CABLES1: variants seen among roughly 807,000 people sequenced by gnomAD.
CABLES1 encodes CDK5 and ABL1 enzyme substrate 1.
CABLES1 carries 36 observed loss-of-function variants against 57.8 expected under a neutral mutation model. That is an observed-to-expected ratio of 0.62 (90% CI 0.48 to 0.82). The LOEUF (loss-of-function observed/expected upper bound fraction) is 0.82. CABLES1 is among the 40% of genes least tolerant of loss of function. The probability of loss-of-function intolerance (pLI) is 0.00; values close to 1 mark genes in which losing one functional copy is unlikely to be tolerated. For synonymous variants in CABLES1, 374 were observed against 363.0 expected (o/e 1.03, Z -0.35); for missense variants, 767 against 836.6 (o/e 0.92, Z 1.03).
Position 23,194,460 on chromosome 18 carries a change from C to T in CABLES1, c.930C>T (p.Leu310=), listed in dbSNP as rs769159682. The T allele has an allele frequency of 3.1e-6, 5 of 1,610,762 alleles. No homozygotes were observed. In the South Asian group the frequency reaches 5.5e-5, roughly 18 times the overall value. Residue 310 remains leucine, a synonymous_variant, in exon 3 of 10, where the codon CTC becomes CTT. Transcript: ENST00000256925. The part of the protein sequence containing the change: ...ENAPLRRCRT[L]SGSPRPKNFK... ...CTTTATTTTTCAGATGTCGAACTCT[C>T]TCAGGTTCACCCAGACCAAAGAATT... is the stretch of plus-strand genomic sequence containing the variant.
intron 1 of CABLES1, among the ~76,000 whole-genome samples, chr18:23,182,966 G>T (rs1041798292): frequency 6.6e-6 from 1 of 152,222 alleles, no homozygotes; most frequent in Admixed American, 6.5e-5. Flanking sequence ...GCTGAGGAAG[G>T]TACCTGGACC....
chr18:23,236,037 G>A lies in CABLES1; in HGVS notation c.1328G>A (p.Gly443Glu). ...ATAGGCCGGGCAAGCGGCACCCAGGGGAGCCTCGACACAGGTAACCTTGGC... is the reference window on the plus strand; with the variant it reads ...ATAGGCCGGGCAAGCGGCACCCAGGAGAGCCTCGACACAGGTAACCTTGGC... ...LSIGRASGTQ[G>E]SLDTGSDLGD... The change falls in exon 6 of 10, where the codon GGG becomes GAG. Residue 443 changes from glycine to glutamate, a missense_variant. By Grantham distance (98) the Gly-to-Glu change is moderately conservative (BLOSUM62 -2). This residue lies in a region of CABLES1 where 529 missense variants were observed against 622.8 expected (regional missense o/e 0.85). Transcript: ENST00000256925. The A allele has an allele frequency of 6.2e-7, 1 of 1,614,144 alleles. No homozygotes were observed. The highest frequency in any genetic ancestry group is 8.5e-7 in the Non-Finnish European group (1 of 1,180,040).
At chr18:23,172,207 G>A (rs1296526028) in intron 1 of CABLES1, among the ~76,000 whole-genome samples, 1 of 152,198 alleles carries the variant, frequency 6.6e-6, no homozygotes, top group African/African-American at 2.4e-5. Flanking sequence ...GGTAATGATA[G>A]TGACAGTGAT....
chr18:23,201,719 G>A (rs1425905598), intron 3 of CABLES1, among the ~76,000 whole-genome samples: 2 of 152,208 alleles, frequency 1.3e-5, no homozygotes, highest in African/African-American at 4.8e-5. Flanking sequence ...CCTACTCTGT[G>A]ACTATTGGGA....
chr18:23,248,268 T>A (rs1449294327), intron 7 of CABLES1, among the ~76,000 whole-genome samples: 3 of 152,354 alleles, frequency 2.0e-5, no homozygotes, highest in Admixed American at 6.5e-5. Flanking sequence ...GCTCTTTCTC[T>A]GTCCCCGCCT....
At chr18:23,188,543 TTGTG>T (rs55888102) in intron 1 of CABLES1, among the ~76,000 whole-genome samples, 20 of 148,942 alleles carry the variant, frequency 1.3e-4, no homozygotes, top group African/African-American at 4.7e-4. Context: ...CACCTTGTCT[TTGTG>T]TGTGTGTGTG....
In CABLES1 at chr18:23,237,303, T is replaced by C; in HGVS notation, c.1446+58T>C. 7.5e-6 allele frequency: 9 copies of C among 1,198,672 alleles called. 1 individual carries two copies. In the South Asian group the frequency reaches 1.1e-4, roughly 14 times the overall value. 74.3% of individuals were successfully genotyped at this position (1,198,672 alleles called of 1,614,324 possible). The stretch of plus-strand genomic sequence containing the variant: ...GCACCGTCAGTTGCCCCACCTGGGT[T>C]GGTGGCCGGCTGGGGGCTTGTTCAA... On this transcript the variant is annotated intron_variant, in intron 7 of 9. Transcript: ENST00000256925.
rs2046813446 is a variant in CABLES1, at chr18:23,135,738, G to A, written c.-25G>A. 2.0e-6 allele frequency: 2 copies of A among 988,042 alleles called. No individual in the cohort carries two copies. The highest frequency in any genetic ancestry group is 9.4e-5 in the South Asian group (2 of 21,386). 61.2% of individuals were successfully genotyped at this position (988,042 alleles called of 1,614,324 possible). On this transcript the variant is annotated 5_prime_UTR_variant, in exon 1 of 10. Transcript: ENST00000256925. ...CGCCGCTCGCTTCTCCGGGCATCGCGGAAATCCCGCCGCAGACGGACACAA... is the reference window on the plus strand; with the variant it reads ...CGCCGCTCGCTTCTCCGGGCATCGCAGAAATCCCGCCGCAGACGGACACAA...
chr18:23,239,256 A>T (rs1336643750), intron 7 of CABLES1, among the ~76,000 whole-genome samples: 1 of 152,214 alleles, frequency 6.6e-6, no homozygotes, highest in Non-Finnish European at 1.5e-5. Flanking sequence ...CAAGTGGATC[A>T]TTTTTAATTT....
intron 4 of CABLES1, among the ~76,000 whole-genome samples, chr18:23,233,336 GC>G (rs1291594237): frequency 2.0e-5 from 3 of 152,108 alleles, no homozygotes. Context: ...TTACACCTGA[GC>G]ATAGGTCCAT....
chr18:23,240,429 G>A (rs1270438756), intron 7 of CABLES1, among the ~76,000 whole-genome samples: 2 of 152,200 alleles, frequency 1.3e-5, no homozygotes, highest in Non-Finnish European at 2.9e-5. Context: ...CCACTGACTC[G>A]GCCCCAGGCA....
intron 1 of CABLES1, among the ~76,000 whole-genome samples, chr18:23,167,553 G>A (rs984087193): frequency 6.6e-6 from 1 of 152,152 alleles, no homozygotes; most frequent in East Asian, 1.9e-4. Context: ...GGGGGATTGG[G>A]GGGAGTACCT....
At chr18:23,147,245 C>T (rs1379387624) in intron 1 of CABLES1, among the ~76,000 whole-genome samples, 1 of 152,210 alleles carries the variant, frequency 6.6e-6, no homozygotes. Flanking sequence ...TCTGTCTCAG[C>T]AAAATGGGTG....
At chr18:23,177,588 C>T (rs1321249452) in intron 1 of CABLES1, among the ~76,000 whole-genome samples, 1 of 152,192 alleles carries the variant, frequency 6.6e-6, no homozygotes, top group Non-Finnish European at 1.5e-5. Context: ...CTGTCTGTCT[C>T]CTGGTTCCCG....
intron 1 of CABLES1, among the ~76,000 whole-genome samples, chr18:23,147,190 C>T (rs1568042550): frequency 6.6e-6 from 1 of 152,218 alleles, no homozygotes; most frequent in Admixed American, 6.5e-5. Flanking sequence ...GTTCCTCCCG[C>T]AGGGAGTAAG....
intron 1 of CABLES1, among the ~76,000 whole-genome samples, chr18:23,168,065 C>T (rs1000670884): frequency 6.6e-5 from 10 of 152,112 alleles, no homozygotes; most frequent in African/African-American, 1.4e-4. Context: ...CCCCTCAGGG[C>T]GATCTGAGGG....
chr18:23,222,174 C>T (rs1387291378), intron 4 of CABLES1, among the ~76,000 whole-genome samples: 2 of 152,122 alleles, frequency 1.3e-5, no homozygotes, highest in Non-Finnish European at 1.5e-5. Context: ...CTCAGCACAG[C>T]TCCTCTCTCA....
chr18:23,205,527 T>G (rs1946894083), intron 3 of CABLES1, among the ~76,000 whole-genome samples: 7 of 152,238 alleles, frequency 4.6e-5, no homozygotes, highest in Admixed American at 4.6e-4. Flanking sequence ...CAAACTCTTC[T>G]TGTTTTCTCC....
At chr18:23,154,422 G>A (rs1240530116) in intron 1 of CABLES1, among the ~76,000 whole-genome samples, 2 of 152,140 alleles carry the variant, frequency 1.3e-5, no homozygotes, top group African/African-American at 2.4e-5. Flanking sequence ...CCGAGCCATA[G>A]GGAAATTGCA....
Sources: gnomAD v4.1 joint callset for allele counts (sites outside exome capture counted in the v4.1 genomes callset) on GRCh38, gnomAD v4.1.1 for gene constraint, gnomAD v4.1.1 regional missense constraint, MANE v1.5 for transcripts, NCBI Gene and HGNC (gene_info 2026-07-23, HGNC 2026-07-21) for gene names.